The following XIRP2 variants were observed in gnomAD, a reference collection of about 807,000 sequenced individuals.
XIRP2 encodes xin actin-binding repeat-containing protein 2.
In XIRP2, 236 loss-of-function variants were observed where a neutral mutation model predicts 277.0. The ratio of observed to expected loss-of-function variants is 0.85; its 90% CI spans 0.77 to 0.95. The LOEUF (loss-of-function observed/expected upper bound fraction) is 0.95. Ranked by LOEUF, XIRP2 falls within the 40% of genes least tolerant of loss-of-function variation. The pLI is 0.00. For missense variants in XIRP2, 4,640 were observed against 4,157.5 expected, an observed-to-expected ratio of 1.12 and a Z score of -3.19; for synonymous variants, 1,490 against 1,416.5, an observed-to-expected ratio of 1.05 and a Z score of -1.17.
chr2:167,208,470 G>T (rs1299004878), intron 3 of XIRP2, among the ~76,000 whole-genome samples: 1 of 152,104 alleles, frequency 6.6e-6, no homozygotes, highest in Non-Finnish European at 1.5e-5. Context: ...ACCATGCCTG[G>T]CTAATTTTTT....
chr2:167,135,843 C>T, intron 2 of XIRP2, 66 bp from the exon 3 acceptor site: 6 of 1,391,752 alleles, frequency 4.3e-6, no homozygotes, highest in African/African-American at 1.5e-5. Context: ...TTCTAACCCC[C>T]CTAAAAAACA....
chr2:167,018,045 C>T (rs779825892), intron 2 of XIRP2, among the ~76,000 whole-genome samples: 1 of 152,066 alleles, frequency 6.6e-6, no homozygotes, highest in Non-Finnish European at 1.5e-5. Flanking sequence ...TACAAGAGAA[C>T]CTCTGGCTCT....
intron 2 of XIRP2, among the ~76,000 whole-genome samples, chr2:166,932,728 G>T (rs1685380483): frequency 1.3e-5 from 2 of 151,938 alleles, no homozygotes; most frequent in South Asian, 4.2e-4. Context: ...TGTGAGGTAG[G>T]GATCCAGATT....
chr2:167,074,350 C>G (rs1689508176), intron 2 of XIRP2, among the ~76,000 whole-genome samples: 1 of 152,010 alleles, frequency 6.6e-6, no homozygotes, highest in Non-Finnish European at 1.5e-5. Context: ...CTAGTCATTT[C>G]TCTGACTTTT....
chr2:167,055,962 A>G (rs1324516748), intron 2 of XIRP2, among the ~76,000 whole-genome samples: 1 of 152,156 alleles, frequency 6.6e-6, no homozygotes, highest in Non-Finnish European at 1.5e-5. Context: ...TAATTATGTA[A>G]TGTACCCATC....
intron 2 of XIRP2, among the ~76,000 whole-genome samples, chr2:166,905,217 C>T (rs1375126125): frequency 6.6e-6 from 1 of 151,848 alleles, no homozygotes; most frequent in East Asian, 1.9e-4. Flanking sequence ...TATTTTTTAT[C>T]TTTGTAAATT....
chr2:167,137,981 A>C (rs141745138), intron 3 of XIRP2, among the ~76,000 whole-genome samples: 1 of 152,326 alleles, frequency 6.6e-6, no homozygotes, highest in Admixed American at 6.5e-5. Flanking sequence ...CTTGGACAGC[A>C]TGCAAGTTAA....
chr2:167,066,376 G>T (rs1372451384), intron 2 of XIRP2, among the ~76,000 whole-genome samples: 1 of 151,870 alleles, frequency 6.6e-6, no homozygotes, highest in Non-Finnish European at 1.5e-5. Context: ...TGTACAAAAA[G>T]GTGCTCAGCA....
At chr2:167,147,053 TAAAAC>T (rs1026540476) in intron 3 of XIRP2, among the ~76,000 whole-genome samples, 12 of 152,182 alleles carry the variant, frequency 7.9e-5, no homozygotes, top group South Asian at 2.1e-4. Context: ...ACACACATGT[TAAAAC>T]AAACCAAAAC....
At chr2:167,050,724 A>G (rs1390286993) in intron 2 of XIRP2, among the ~76,000 whole-genome samples, 7 of 152,028 alleles carry the variant, frequency 4.6e-5, no homozygotes, top group Admixed American at 4.6e-4. Flanking sequence ...GGATAAGCAG[A>G]GGAGGAAACA....
chr2:167,059,939 T>G (rs1689137557), intron 2 of XIRP2, among the ~76,000 whole-genome samples: 1 of 152,104 alleles, frequency 6.6e-6, no homozygotes, highest in African/African-American at 2.4e-5. Context: ...AAGCTCTGGT[T>G]TTAAGTACTG....
chr2:167,190,013 T>G (rs1693279966), intron 3 of XIRP2, among the ~76,000 whole-genome samples: 1 of 152,284 alleles, frequency 6.6e-6, no homozygotes. Flanking sequence ...AAGTGTTCTA[T>G]TTGTTATTAC....
intron 2 of XIRP2, among the ~76,000 whole-genome samples, chr2:167,053,888 T>C (rs950527041): frequency 6.6e-6 from 1 of 152,078 alleles, no homozygotes; most frequent in African/African-American, 2.4e-5. Context: ...TGGCAAGGAG[T>C]AAGCTGAGTG....
chr2:167,213,864 G>A (rs550192322), intron 4 of XIRP2, among the ~76,000 whole-genome samples: 2 of 152,132 alleles, frequency 1.3e-5, no homozygotes, highest in Admixed American at 1.3e-4. Flanking sequence ...GTCTCACTTG[G>A]GTGAATGAGC....
At chr2:167,184,942 G>C (rs1041908278) in intron 3 of XIRP2, among the ~76,000 whole-genome samples, 4 of 152,108 alleles carry the variant, frequency 2.6e-5, no homozygotes, top group Admixed American at 1.3e-4. Context: ...ATCACCTTAT[G>C]AATCTTTCTG....
intron 2 of XIRP2, among the ~76,000 whole-genome samples, chr2:167,075,442 G>A (rs775685326): frequency 1.3e-5 from 2 of 152,098 alleles, no homozygotes; most frequent in African/African-American, 2.4e-5. Flanking sequence ...CTCACATCAA[G>A]GCACGTCATT....
At chr2:166,938,034 T>C (rs560770307) in intron 2 of XIRP2, among the ~76,000 whole-genome samples, 3 of 152,322 alleles carry the variant, frequency 2.0e-5, no homozygotes, top group African/African-American at 7.2e-5. Context: ...GTTGATCTTT[T>C]CAAAAAACCA....
At chr2:167,177,077 C>T (rs1327808731) in intron 3 of XIRP2, among the ~76,000 whole-genome samples, 2 of 152,176 alleles carry the variant, frequency 1.3e-5, no homozygotes, top group African/African-American at 4.8e-5. Context: ...CGTAGATCTT[C>T]TTTGTGCCTT....
intron 7 of XIRP2, 32 bp downstream of exon 7, chr2:167,240,768 C>A: frequency 6.4e-7 from 1 of 1,566,878 alleles, no homozygotes; most frequent in South Asian, 1.1e-5. Flanking sequence ...TTCCAATACT[C>A]CTTTCTCCTA....
Sources: gnomAD v4.1 joint callset for allele counts (sites outside exome capture counted in the v4.1 genomes callset) on GRCh38, gnomAD v4.1.1 for gene constraint, MANE v1.5 for transcripts, NCBI Gene and HGNC (gene_info 2026-07-23, HGNC 2026-07-21) for gene names.